RUVBL1: variants seen among roughly 807,000 people sequenced by gnomAD.
The protein encoded by RUVBL1 is ruvB-like 1.
A neutral mutation model predicts 52.4 loss-of-function variants in RUVBL1; 4 were observed. The ratio of observed to expected loss-of-function variants is 0.08; its 90% CI spans 0.04 to 0.17. The LOEUF (loss-of-function observed/expected upper bound fraction) is 0.17, where lower values mean the gene tolerates loss of function less well. Among genes scored for constraint, RUVBL1 ranks in the 10% least tolerant of loss-of-function variants. RUVBL1 has a pLI of 1.00. For synonymous variants in RUVBL1, 217 were observed against 214.4 expected (o/e 1.01, Z -0.10); for missense variants, 298 against 572.8 (o/e 0.52, Z 4.90).
At chr3:128,132,759 C>G (rs1383739960) in intron 1 of RUVBL1, among the ~76,000 whole-genome samples, 1 of 152,122 alleles carries the variant, frequency 6.6e-6, no homozygotes, top group African/African-American at 2.4e-5. Context: ...CAGTATTTAC[C>G]ACGAGCCTTG....
chr3:128,104,240 C>T (rs963071275), intron 4 of RUVBL1, among the ~76,000 whole-genome samples: 1 of 152,216 alleles, frequency 6.6e-6, no homozygotes, highest in African/African-American at 2.4e-5. Flanking sequence ...CCATTCTGGC[C>T]TCTCCACAAA....
At chr3:128,136,462 CAA>C (rs1322973389) in intron 1 of RUVBL1, among the ~76,000 whole-genome samples, 1 of 151,762 alleles carries the variant, frequency 6.6e-6, no homozygotes, top group Admixed American at 6.6e-5. Flanking sequence ...CCCATCTCTA[CAA>C]AAAATACAAA....
At chr3:128,109,507 G>A (rs1393394840) in intron 3 of RUVBL1, among the ~76,000 whole-genome samples, 1 of 151,654 alleles carries the variant, frequency 6.6e-6, no homozygotes, top group Non-Finnish European at 1.5e-5. Context: ...TCAGCCTCCC[G>A]ATTTTGTTTT....
At chr3:128,117,635 C>T (rs1187843610) in intron 2 of RUVBL1, among the ~76,000 whole-genome samples, 1 of 147,314 alleles carries the variant, frequency 6.8e-6, no homozygotes, top group African/African-American at 2.5e-5. Flanking sequence ...TTTTTTGAGA[C>T]GTAGTCTTGC....
downstream of RUVBL1, among the ~76,000 whole-genome samples, chr3:128,077,051 G>GCTGCGCGCCGCCCA (rs1035203836): frequency 6.6e-6 from 1 of 151,726 alleles, no homozygotes; most frequent in African/African-American, 2.4e-5. Context: ...GCCGCCGCCC[G>GCTGCGCGCCGCCCA]CTGCGCGCCG....
intron 9 of RUVBL1, among the ~76,000 whole-genome samples, chr3:128,072,748 G>A (rs1250533302): frequency 6.6e-6 from 1 of 152,136 alleles, no homozygotes; most frequent in Non-Finnish European, 1.5e-5. Context: ...GGAAGCAGTA[G>A]GCCATCTCTC....
chr3:128,068,440 C>A (rs1576426819), intron 9 of RUVBL1, among the ~76,000 whole-genome samples: 1 of 152,206 alleles, frequency 6.6e-6, no homozygotes, highest in Non-Finnish European at 1.5e-5. Flanking sequence ...GAGCTCAGAG[C>A]AGGCAGGTCC....
intron 1 of RUVBL1, among the ~76,000 whole-genome samples, chr3:128,123,194 A>G (rs1943694585): frequency 6.6e-6 from 1 of 152,184 alleles, no homozygotes; most frequent in Admixed American, 6.5e-5. Flanking sequence ...TAAGATAATT[A>G]TTTTTATTTA....
At chr3:128,095,866 C>T (rs1293764637) in intron 8 of RUVBL1, among the ~76,000 whole-genome samples, 1 of 152,166 alleles carries the variant, frequency 6.6e-6, no homozygotes. Context: ...AAGCAATCTT[C>T]CCGCCTCAGC....
intron 1 of RUVBL1, among the ~76,000 whole-genome samples, chr3:128,119,894 T>G (rs989828836): frequency 6.6e-6 from 1 of 152,096 alleles, no homozygotes; most frequent in African/African-American, 2.4e-5. Flanking sequence ...GAAGATGAGG[T>G]TGAAGAGGTA....
chr3:128,116,099 G>T (rs1273630760), intron 2 of RUVBL1, among the ~76,000 whole-genome samples: 1 of 151,742 alleles, frequency 6.6e-6, no homozygotes, highest in Admixed American at 6.6e-5. Flanking sequence ...TCCAGCCTGG[G>T]TAACAGACCA....
chr3:128,097,564 C>A, intron 7 of RUVBL1, 66 bp from the exon 8 acceptor site: 1 of 1,425,448 alleles, frequency 7.0e-7, no homozygotes, highest in Non-Finnish European at 9.9e-7. Flanking sequence ...GCCTTTTCTC[C>A]TCCACCTGAA....
intron 1 of RUVBL1, among the ~76,000 whole-genome samples, chr3:128,121,905 T>G (rs1354508244): frequency 1.3e-5 from 2 of 152,126 alleles, no homozygotes; most frequent in Non-Finnish European, 2.9e-5. Flanking sequence ...TACTCTCAGG[T>G]GAGATAAGCT....
rs1248199062 is a variant in RUVBL1, at chr3:128,153,826, G to A, written c.-663C>T. 4 of 1,506,996 alleles carry A rather than the reference G, an allele frequency of 2.7e-6. No individual in the cohort carries two copies. In the East Asian group the frequency reaches 8.1e-5, roughly 31 times the overall value. The allele number at this position is 1,506,996 out of a possible 1,614,324, so 93.4% of individuals were successfully genotyped here. A position where few individuals can be genotyped will look rare whatever the true frequency, so the allele number is the denominator to read the frequency against. ...CCTCATCCGGACCATCATCGGCGGT[G>A]AGCGCGGGCCGGGGCGGGAGCCGGG... On this transcript the variant is annotated 5_prime_UTR_variant, in exon 1 of 10. Transcript: ENST00000464873.
chr3:128,111,139 C>T (rs1007089685), intron 3 of RUVBL1, among the ~76,000 whole-genome samples: 8 of 151,166 alleles, frequency 5.3e-5, no homozygotes, highest in African/African-American at 1.9e-4. Flanking sequence ...GCACGAGAAT[C>T]GCTTGAACCC....
chr3:128,087,671 A>C, intron 9 of RUVBL1, 35 bp downstream of exon 9: 1 of 1,540,086 alleles, frequency 6.5e-7, no homozygotes, highest in South Asian at 1.1e-5. Flanking sequence ...GGAGCAAATG[A>C]GAGAAGAGAG....
chr3:128,083,615 G>A (rs907466378), intron 9 of RUVBL1: 2 of 152,256 alleles, frequency 1.3e-5, no homozygotes, highest in Non-Finnish European at 1.5e-5. Flanking sequence ...GCCTTGGAAA[G>A]CCCCAGCAGG....
At chr3:128,123,919 G>A, upstream of RUVBL1, 1 of 1,242,994 alleles carries the variant, frequency 8.0e-7, no homozygotes. Context: ...TGCTGCTAGA[G>A]CTCCGGTCAC....
intron 1 of RUVBL1, among the ~76,000 whole-genome samples, chr3:128,146,755 A>G (rs1475918604): frequency 6.9e-6 from 1 of 144,280 alleles, no homozygotes; most frequent in African/African-American, 2.6e-5. Flanking sequence ...ACGTGTGTGT[A>G]CGTACATCTG....
Sources: allele counts gnomAD v4.1 joint callset (sites outside exome capture counted in the v4.1 genomes callset), GRCh38; gene constraint gnomAD v4.1.1; transcripts MANE v1.5; gene names NCBI Gene and HGNC (gene_info 2026-07-23, HGNC 2026-07-21).